Variants in ANK2 observed in about 807,000 individuals in gnomAD.
ANK2 encodes ankyrin 2, also known as ankyrin-2.
ANK2 carries 83 observed loss-of-function variants against 360.5 expected under a neutral mutation model. That is an observed-to-expected ratio of 0.23 (90% CI 0.19 to 0.28). ANK2 has a LOEUF of 0.28. ANK2 is among the 10% of genes least tolerant of loss of function. The pLI, the probability that ANK2 is intolerant of heterozygous loss-of-function variation, is 1.00. For synonymous variants in ANK2, 1,740 were observed against 1,759.5 expected, an observed-to-expected ratio of 0.99 and a Z score of 0.28; for missense variants, 4,201 against 4,795.7, an observed-to-expected ratio of 0.88 and a Z score of 3.66.
intron 16 of ANK2, 29 bp from the exon 17 acceptor site, chr4:113,278,431 A>G: frequency 6.2e-7 from 1 of 1,603,118 alleles, no homozygotes; most frequent in Non-Finnish European, 8.5e-7. Context: ...TAATTTATTA[A>G]TGCTGAAACT....
At chr4:113,226,091 T>A (rs1230830413) in intron 4 of ANK2, among the ~76,000 whole-genome samples, 3 of 152,154 alleles carry the variant, frequency 2.0e-5, no homozygotes, top group Non-Finnish European at 4.4e-5. Flanking sequence ...AATACTAAGA[T>A]CATATTAATA....
At chr4:113,073,226 A>AATTACAGTAG (rs1375701535) in intron 1 of ANK2, among the ~76,000 whole-genome samples, 1 of 151,802 alleles carries the variant, frequency 6.6e-6, no homozygotes, top group African/African-American at 2.4e-5. Context: ...AAAGTGCTGG[A>AATTACAGTAG]ATTACAGTAG....
At chr4:113,312,097 G>A (rs2080280245) in intron 24 of ANK2, among the ~76,000 whole-genome samples, 2 of 151,908 alleles carry the variant, frequency 1.3e-5, no homozygotes, top group East Asian at 3.9e-4. Context: ...ACATTCTGTG[G>A]TTCCTCATTG....
chr4:112,872,626 C>T (rs1580193706), intron 1 of ANK2, among the ~76,000 whole-genome samples: 1 of 152,190 alleles, frequency 6.6e-6, no homozygotes, highest in East Asian at 1.9e-4. Context: ...CATGAGCCAC[C>T]ACACCTGGTG....
intron 1 of ANK2, among the ~76,000 whole-genome samples, chr4:113,137,368 G>A (rs917701088): frequency 6.6e-6 from 1 of 152,160 alleles, no homozygotes; most frequent in Non-Finnish European, 1.5e-5. Context: ...GTATGGGAAA[G>A]GTAATGTCAA....
chr4:112,740,226 A>G, the ANK2 span, among the ~76,000 whole-genome samples: 42,050 of 151,756 alleles, frequency 0.28, 6,173 homozygotes, highest in East Asian at 0.36. Flanking sequence ...TTTTATTAGC[A>G]TTATTTATTT....
At chr4:113,140,333 A>T (rs2154384152) in intron 1 of ANK2, among the ~76,000 whole-genome samples, 2 of 152,354 alleles carry the variant, frequency 1.3e-5, no homozygotes, top group South Asian at 2.1e-4. Flanking sequence ...TCGGTCTTGA[A>T]TTATAGCTGC....
chr4:112,773,238 G>A, the ANK2 span, among the ~76,000 whole-genome samples: 1 of 152,120 alleles, frequency 6.6e-6, no homozygotes, highest in African/African-American at 2.4e-5. Context: ...GATCACCTGA[G>A]CTCGGGAAGT....
At position 112,918,203 on chromosome 4, in the gene ANK2, TCTTGAGAAGGG is replaced by T. The variant is rs1377954982; in HGVS notation, c.21+13692_21+13702del. Among the ~76,000 whole-genome samples the T allele has an allele frequency of 9.9e-5, 15 of 152,266 alleles. 1 individual carries two copies. Among genetic ancestry groups the T allele is most frequent in the African/African-American group, 3.6e-4 (15 of 41,568 alleles). On this transcript the variant is annotated intron_variant, in intron 2 of 30. Coordinates refer to the ANK2 transcript ENST00000503271. ...GATTAGGGGCAGCTTCCTGGAAAAG[TCTTGAGAAGGG>T]CTCTGAGCTCAGCCAAGCTCAGTGG...
At chr4:113,255,485 A>G (rs1042783620) in intron 10 of ANK2, among the ~76,000 whole-genome samples, 2 of 152,208 alleles carry the variant, frequency 1.3e-5, no homozygotes, top group Non-Finnish European at 1.5e-5. Flanking sequence ...CTAAATTGCC[A>G]CACATACCAT....
At chr4:113,201,464 T>A (rs377076826) in intron 4 of ANK2, among the ~76,000 whole-genome samples, 1 of 152,164 alleles carries the variant, frequency 6.6e-6, no homozygotes, top group East Asian at 1.9e-4. Context: ...GTGTAAGATA[T>A]TGCAGTAAGA....
chr4:113,376,802 G>GTTTTTTTTT (rs36011726), intron 45 of ANK2, among the ~76,000 whole-genome samples: 1 of 114,184 alleles, frequency 8.8e-6, no homozygotes, highest in Non-Finnish European at 1.7e-5. Context: ...ACTTTTTAAG[G>GTTTTTTTTT]TTTTTTTTTT....
At chr4:113,256,362 G>A (rs1324907720) in intron 11 of ANK2, among the ~76,000 whole-genome samples, 1 of 152,130 alleles carries the variant, frequency 6.6e-6, no homozygotes, top group East Asian at 1.9e-4. Context: ...ACTATGTAAG[G>A]GGGTATAAAA....
chr4:112,739,340 C>T, the ANK2 span, among the ~76,000 whole-genome samples: 2 of 152,150 alleles, frequency 1.3e-5, no homozygotes, highest in African/African-American at 4.8e-5. Flanking sequence ...AGGCCAGGCT[C>T]TGTGGCTCAT....
chr4:113,137,943 A>C (rs1562334681), intron 1 of ANK2, among the ~76,000 whole-genome samples: 1 of 152,222 alleles, frequency 6.6e-6, no homozygotes, highest in East Asian at 1.9e-4. Flanking sequence ...TTGACTTTCT[A>C]ATATATTTAT....
chr4:113,365,218 TG>T (rs751083675), intron 41 of ANK2, 36 bp downstream of exon 41: 1 of 1,601,010 alleles, frequency 6.2e-7, no homozygotes, highest in South Asian at 1.1e-5. Flanking sequence ...TGTGTGTGTG[TG>T]TGTGTGTGTG....
At chr4:112,726,962 C>T in the ANK2 span, among the ~76,000 whole-genome samples, 3,020 of 150,992 alleles carry the variant, frequency 0.02, 114 homozygotes, top group African/African-American at 0.07. Context: ...TTGGAAAATA[C>T]GTAATAAAAT....
intron 4 of ANK2, among the ~76,000 whole-genome samples, chr4:113,213,470 CT>C (rs2099047746): frequency 6.6e-6 from 1 of 152,136 alleles, no homozygotes; most frequent in Admixed American, 6.5e-5. Flanking sequence ...ATGTGGGCAG[CT>C]GTCTCAAATA....
intron 39 of ANK2, among the ~76,000 whole-genome samples, chr4:113,361,984 T>C (rs2096253916): frequency 6.6e-6 from 1 of 152,184 alleles, no homozygotes; most frequent in African/African-American, 2.4e-5. Context: ...GCCGTGTGCC[T>C]CAGAAGTAAC....
Sources: gnomAD v4.1 joint callset for allele counts (sites outside exome capture counted in the v4.1 genomes callset) on GRCh38, gnomAD v4.1.1 for gene constraint, MANE v1.5 for transcripts, NCBI Gene and HGNC (gene_info 2026-07-23, HGNC 2026-07-21) for gene names.